LRRC34: variants seen among roughly 807,000 people sequenced by gnomAD.
LRRC34 encodes leucine-rich repeat-containing protein 34.
LRRC34 carries 44 observed loss-of-function variants against 48.5 expected under a neutral mutation model. The observed-to-expected ratio is 0.91, with a 90% CI of 0.71 to 1.17. LRRC34 has a LOEUF of 1.17. Among genes scored for constraint, LRRC34 ranks in the 50% most tolerant of loss-of-function variants. LRRC34 has a pLI of 0.00. For missense variants in LRRC34, 502 were observed against 563.0 expected, an observed-to-expected ratio of 0.89 and a Z score of 1.10; for synonymous variants, 192 against 197.6, an observed-to-expected ratio of 0.97 and a Z score of 0.24.
At position 169,793,082 on chromosome 3, in the gene LRRC34, T is replaced by C. The variant is rs9816245; in HGVS notation, c.*553A>G. Among the ~76,000 whole-genome samples, 847 of 152,172 alleles carry C rather than the reference T, an allele frequency of 5.6e-3. 8 individuals carry two copies. The highest frequency in any genetic ancestry group is 0.019 in the African/African-American group (807 of 41,510). On this transcript the variant is annotated 3_prime_UTR_variant, in exon 11 of 11. Transcript: ENST00000446859. ...TCTGTGGGGTTAGAAGTCAGGATAG[T>C]GGTTATGAGAGGAGAGTGGGAGAGC...
rs1044438205 is a variant in LRRC34 at position 169,804,055 on chromosome 3, G to T, written c.655C>A (p.Leu219Met). The T allele has an allele frequency of 1.3e-6, 2 of 1,581,356 alleles. No individual in the cohort carries two copies. Among genetic ancestry groups the T allele is most frequent in the African/African-American group, 2.7e-5 (2 of 73,704 alleles). The change falls in exon 6 of 11, where the codon CTG (leucine) becomes ATG (methionine). Residue 219 changes from leucine to methionine, a missense_variant and splice_region_variant. Coordinates refer to ENST00000446859, the MANE Select transcript of LRRC34 (RefSeq NM_001172779.2). Reference sequence around the variant, plus strand: ...TTTCTCATAACCAGTTTACTCACCAGATCACAGTCACCCAGATCTAATTTC... The same window carrying T: ...TTTCTCATAACCAGTTTACTCACCATATCACAGTCACCCAGATCTAATTTC... ...LEKLDLGDCD[L>M]GMQSVIAFAT...
intron 4 of LRRC34, 137 bp downstream of exon 4, chr3:169,807,289 T>C: frequency 1.2e-6 from 1 of 824,530 alleles, no homozygotes; most frequent in Non-Finnish European, 1.9e-6. Flanking sequence ...CACAATGGGT[T>C]TCCAGTATAT....
intron 2 of LRRC34, 55 bp downstream of exon 2, chr3:169,808,573 C>A (rs1386988958): frequency 4.2e-6 from 4 of 956,336 alleles, no homozygotes; most frequent in Non-Finnish European, 6.5e-6. Flanking sequence ...AGGATTTTCA[C>A]ACACATGAAT....
At chr3:169,808,875 A>C in intron 1 of LRRC34, 130 bp from the exon 2 acceptor site, 1 of 581,360 alleles carries the variant, frequency 1.7e-6, no homozygotes. Flanking sequence ...AAAAGGAAAC[A>C]GAATTAAGGT....
At position 169,796,742 on chromosome 3, in the gene LRRC34, T is replaced by G. The variant is rs1274471086; in HGVS notation, c.908+3A>C. 1.2e-6 allele frequency: 2 copies of G among 1,604,178 alleles called. No homozygotes were observed. The highest frequency in any genetic ancestry group is 1.7e-4 in the Middle Eastern group (1 of 6,046). On this transcript the variant is annotated splice_donor_region_variant and intron_variant, in intron 8 of 10. Transcript: ENST00000446859. ...AATTATTAATGTGTAAATTATCACT[T>G]ACCAGCTGACATCAAGGTAGCGCAG... is the stretch of plus-strand genomic sequence containing the variant.
rs1478786197 is a variant in LRRC34, at chr3:169,812,304, C to A, written c.139+106G>T. 3 of 1,376,980 alleles carry A rather than the reference C, an allele frequency of 2.2e-6. No homozygotes were observed. The highest frequency in any genetic ancestry group is 1.5e-5 in the African/African-American group (1 of 65,426). The allele number at this position is 1,376,980 out of a possible 1,614,324, so 85.3% of individuals were successfully genotyped here. A position where few individuals can be genotyped will look rare whatever the true frequency, so the allele number is the denominator to read the frequency against. On this transcript the variant is annotated intron_variant, in intron 1 of 10. Transcript: ENST00000446859. This position sits in a 1 kb window ranked among gnomAD's most constrained non-coding sequence, Gnocchi z 4.3. ...CCCAGGGGCCCCCCTCCCGCCTCGA[C>A]GCCTTGGGCTGGCGGGCTGCTGGGA...
intron 8 of LRRC34, 134 bp from the exon 9 acceptor site, chr3:169,796,503 G>C: frequency 9.0e-7 from 1 of 1,107,274 alleles, no homozygotes; most frequent in Non-Finnish European, 1.3e-6. Flanking sequence ...TTCCAAGAAA[G>C]TTAATGAAAA....
intron 6 of LRRC34, among the ~76,000 whole-genome samples, chr3:169,801,145 G>A (rs1029650154): frequency 1.3e-5 from 2 of 152,052 alleles, no homozygotes; most frequent in African/African-American, 2.4e-5. Flanking sequence ...TGTGCGGTGG[G>A]AAAAGGTTAC....
intron 9 of LRRC34, 39 bp from the exon 10 acceptor site, chr3:169,795,650 T>G (rs1374334838): frequency 2.3e-5 from 37 of 1,590,932 alleles, no homozygotes; most frequent in Non-Finnish European, 3.0e-5. Flanking sequence ...ATACAAAAAT[T>G]AGCAACATTT....
At chr3:169,802,901 C>T (rs1037485346) in intron 6 of LRRC34, among the ~76,000 whole-genome samples, 4 of 151,872 alleles carry the variant, frequency 2.6e-5, no homozygotes, top group South Asian at 2.1e-4. Context: ...TGTTTGAACC[C>T]GGGAGGTGGA....
At chr3:169,809,393 A>G (rs1450124380) in intron 1 of LRRC34, among the ~76,000 whole-genome samples, 2 of 152,094 alleles carry the variant, frequency 1.3e-5, no homozygotes, top group African/African-American at 4.8e-5. Context: ...TCATTTCTTC[A>G]TACCAAATCG....
chr3:169,811,584 T>C (rs770197116), intron 1 of LRRC34, among the ~76,000 whole-genome samples: 38 of 152,276 alleles, frequency 2.5e-4, no homozygotes, highest in Admixed American at 1.2e-3. Flanking sequence ...AAATTTCATT[T>C]TTTCATCCAC....
chr3:169,802,899 C>A (rs1014795393), intron 6 of LRRC34, among the ~76,000 whole-genome samples: 1 of 152,090 alleles, frequency 6.6e-6, no homozygotes, highest in Admixed American at 6.6e-5. Context: ...ATTGTTTGAA[C>A]CCGGGAGGTG....
chr3:169,812,648 G>A lies in LRRC34; in HGVS notation c.-100C>T. 7.2e-7 allele frequency: 1 copy of A among 1,385,516 alleles called. No homozygotes were observed. Among genetic ancestry groups the A allele is most frequent in the Non-Finnish European group, 9.3e-7 (1 of 1,071,800 alleles). 85.8% of individuals were successfully genotyped at this position (1,385,516 alleles called of 1,614,324 possible). A position where few individuals can be genotyped will look rare whatever the true frequency, so the allele number is the denominator to read the frequency against. On this transcript the variant is annotated 5_prime_UTR_variant, in exon 1 of 11. Coordinates refer to ENST00000446859, the MANE Select transcript of LRRC34 (RefSeq NM_001172779.2). The surrounding 1 kb of genome is among the most constrained non-coding windows in gnomAD (Gnocchi z 4.3). ...GAGTCCCGCTGGCTGTGCCTGCCCGGGCCCTGAGGCCTCACTGCTAAGGCA... is the reference window on the plus strand; with the variant it reads ...GAGTCCCGCTGGCTGTGCCTGCCCGAGCCCTGAGGCCTCACTGCTAAGGCA...
chr3:169,802,937 A>G (rs936450698), intron 6 of LRRC34, among the ~76,000 whole-genome samples: 7 of 151,882 alleles, frequency 4.6e-5, no homozygotes, highest in African/African-American at 1.7e-4. Flanking sequence ...AGATCACGCC[A>G]TTGCACTCCA....
chr3:169,802,538 T>C (rs528990284), intron 6 of LRRC34, among the ~76,000 whole-genome samples: 6 of 152,338 alleles, frequency 3.9e-5, no homozygotes, highest in Non-Finnish European at 7.3e-5. Flanking sequence ...AACTAAAATA[T>C]AAGTTTCATA....
chr3:169,812,618 G>A lies in LRRC34; in HGVS notation c.-70C>T, dbSNP rs1173861529. The A allele has an allele frequency of 7.1e-6, 10 of 1,408,304 alleles. No homozygotes were observed. The African/African-American group carries it at 7.5e-5, about 11-fold the overall frequency. 87.2% of individuals were successfully genotyped at this position (1,408,304 alleles called of 1,614,324 possible). ...GCTACACGAGCCTCGGCGCCAGCCT[G>A]CTTCGAGTCCCGCTGGCTGTGCCTG... On this transcript the variant is annotated 5_prime_UTR_variant, in exon 1 of 11. Coordinates refer to ENST00000446859, the MANE Select transcript of LRRC34 (RefSeq NM_001172779.2). This position sits in a 1 kb window ranked among gnomAD's most constrained non-coding sequence, Gnocchi z 4.3.
chr3:169,805,105 A>AG (rs1441239586), intron 5 of LRRC34, among the ~76,000 whole-genome samples: 1 of 152,222 alleles, frequency 6.6e-6, no homozygotes, highest in East Asian at 1.9e-4. Flanking sequence ...GAAGAAGAAA[A>AG]GGATGTCCTC....
intron 2 of LRRC34, among the ~76,000 whole-genome samples, chr3:169,808,341 A>C (rs543537495): frequency 9.6e-5 from 14 of 145,568 alleles, no homozygotes; most frequent in South Asian, 2.2e-4. Flanking sequence ...AAAAAGATTC[A>C]CCCTGCCCAC....
Sources: allele counts gnomAD v4.1 joint callset (sites outside exome capture counted in the v4.1 genomes callset), GRCh38; gene constraint gnomAD v4.1.1; non-coding constraint Gnocchi (gnomAD v3.1); transcripts MANE v1.5; gene names NCBI Gene and HGNC (gene_info 2026-07-23, HGNC 2026-07-21).